The following SLC22A4 variants were observed in gnomAD, a reference collection of about 807,000 sequenced individuals.
SLC22A4 encodes ET transporter.
In SLC22A4, 39 loss-of-function variants were observed where a neutral mutation model predicts 56.6. The ratio of observed to expected loss-of-function variants is 0.69; its 90% CI spans 0.53 to 0.90. The LOEUF is 0.90. Ranked by LOEUF, SLC22A4 falls within the 40% of genes least tolerant of loss-of-function variation. The pLI is 0.00. For synonymous variants in SLC22A4, 241 were observed against 281.4 expected, an observed-to-expected ratio of 0.86 and a Z score of 1.44; for missense variants, 594 against 696.5, an observed-to-expected ratio of 0.85 and a Z score of 1.66.
chr5:132,312,247 C>T lies in SLC22A4; in HGVS notation c.480C>T (p.Ser160=), dbSNP rs113034123. 2.2e-5 allele frequency: 36 copies of T among 1,612,128 alleles called. 2 individuals are homozygous for T. Among genetic ancestry groups the T allele is most frequent in the South Asian group, 1.1e-4 (10 of 91,050 alleles). ...GCGTGCTCCTCGGCTCCTTCGTGTC[C>T]GGGCAGCTGTCAGACAGGTAAGCAC... The part of the protein sequence containing the change: ...FVGVLLGSFV[S]GQLSDRFGRK... The change falls in exon 2 of 10, where the codon TCC becomes TCT. Residue 160 remains serine (S), a synonymous_variant. Transcript: ENST00000200652.
Position 132,313,788 on chromosome 5 carries a change from C to T in SLC22A4, c.652+20C>T, listed in dbSNP as rs1302265100. On this transcript the variant is annotated intron_variant, in intron 3 of 9. Transcript: ENST00000200652. Reference sequence around the variant, plus strand: ...TACTAGGTAGGAATGGCTTCTGGGACATGGGGTGCTTCCCTCTAACCCTCT... The same window carrying T: ...TACTAGGTAGGAATGGCTTCTGGGATATGGGGTGCTTCCCTCTAACCCTCT... The T allele has an allele frequency of 1.9e-6, 3 of 1,612,830 alleles. No individual in the cohort carries two copies. Among genetic ancestry groups the T allele is most frequent in the Admixed American group, 1.7e-5 (1 of 60,016 alleles).
intron 4 of SLC22A4, chr5:132,324,676 G>C: frequency 4.5e-6 from 2 of 444,698 alleles, no homozygotes; most frequent in Non-Finnish European, 9.4e-6. Context: ...CATCAGTCTA[G>C]TGGTTGGGGT....
chr5:132,296,678 A>C (rs1031776322), intron 1 of SLC22A4, among the ~76,000 whole-genome samples: 2 of 152,190 alleles, frequency 1.3e-5, no homozygotes, highest in Non-Finnish European at 2.9e-5. Flanking sequence ...CTCCCTGCCC[A>C]CAGCATGGCC....
intron 4 of SLC22A4, among the ~76,000 whole-genome samples, chr5:132,323,710 T>A (rs1750605754): frequency 6.6e-6 from 1 of 152,208 alleles, no homozygotes; most frequent in African/African-American, 2.4e-5. Flanking sequence ...ATCATCATCA[T>A]CTGTCCTTCT....
intron 8 of SLC22A4, among the ~76,000 whole-genome samples, chr5:132,338,643 G>A (rs1313019466): frequency 1.3e-5 from 2 of 152,122 alleles, no homozygotes; most frequent in African/African-American, 4.8e-5. Flanking sequence ...CTTTCTCAGG[G>A]ATGTTCCTTG....
chr5:132,335,921 G>T lies in SLC22A4; in HGVS notation c.1365G>T (p.Leu455=), dbSNP rs776614713. ...TCACTGCTGAGCTCTACCCAACCCT[G>T]GTCAGGAACATGGCGGTGGGGGTCA... is the stretch of plus-strand genomic sequence containing the variant. The part of the protein sequence containing the change: ...YVFTAELYPT[L]VRNMAVGVTS... Residue 455 remains leucine, a synonymous_variant, in exon 8 of 10, where the codon CTG becomes CTT. Transcript: ENST00000200652. 9.9e-6 allele frequency: 16 copies of T among 1,614,114 alleles called. No individual in the cohort carries two copies. The South Asian group carries it at 1.8e-4, about 18-fold the overall frequency.
intron 5 of SLC22A4, among the ~76,000 whole-genome samples, chr5:132,327,823 G>A (rs1403415777): frequency 6.6e-6 from 1 of 152,172 alleles, no homozygotes; most frequent in African/African-American, 2.4e-5. Flanking sequence ...AGGAAGCTAT[G>A]CATGTCTTTA....
chr5:132,312,223 C>T lies in SLC22A4; in HGVS notation c.456C>T (p.Gly152=), dbSNP rs201822770. Residue 152 remains glycine, a synonymous_variant, in exon 2 of 10, where the codon GGC becomes GGT. Coordinates refer to ENST00000200652, the MANE Select transcript of SLC22A4 (RefSeq NM_003059.3). Reference sequence around the variant, plus strand: ...TCACCACCTCCCTGTTCTTCGTAGGCGTGCTCCTCGGCTCCTTCGTGTCCG... The same window carrying T: ...TCACCACCTCCCTGTTCTTCGTAGGTGTGCTCCTCGGCTCCTTCGTGTCCG... The part of the protein sequence containing the change: ...VPLTTSLFFV[G]VLLGSFVSGQ... The T allele has an allele frequency of 4.3e-5, 69 of 1,613,790 alleles. No individual in the cohort carries two copies. The highest frequency in any genetic ancestry group is 3.3e-4 in the Middle Eastern group (2 of 6,062).
intron 5 of SLC22A4, 93 bp downstream of exon 5, chr5:132,327,496 A>T (rs1355475012): frequency 2.8e-6 from 3 of 1,085,166 alleles, no homozygotes; most frequent in Middle Eastern, 4.3e-4. Flanking sequence ...AGTGCCCACT[A>T]TGTACCAGGC....
At chr5:132,322,018 C>T (rs941870368) in intron 3 of SLC22A4, among the ~76,000 whole-genome samples, 166 bp from the exon 4 acceptor site, 7 of 152,184 alleles carry the variant, frequency 4.6e-5, no homozygotes, top group Admixed American at 2.0e-4. Flanking sequence ...TCTTGGATCA[C>T]GTCCCACCTT....
At chr5:132,330,915 A>C (rs922451567) in intron 5 of SLC22A4, among the ~76,000 whole-genome samples, 3 of 152,204 alleles carry the variant, frequency 2.0e-5, no homozygotes, top group Admixed American at 2.0e-4. Context: ...TATATATATG[A>C]TCTCATTTAA....
chr5:132,343,798 CAG>C lies in SLC22A4; in HGVS notation c.1621_1622del (p.Glu541ArgfsTer21). 6.2e-7 allele frequency: 1 copy of C among 1,609,144 alleles called. No homozygotes were observed. The highest frequency in any genetic ancestry group is 8.5e-7 in the Non-Finnish European group (1 of 1,175,878). On this transcript the variant is annotated frameshift_variant, in exon 10 of 10. Transcript: ENST00000200652. LOFTEE classifies it high-confidence loss of function. ...AAAAAAACAAGAGACTCAATGGAGA[CAG>C]AAGAAAATCCCAAGGTTCTAATAAC...
At chr5:132,306,443 AGTTGTTGTT>A (rs1237376748) in intron 1 of SLC22A4, among the ~76,000 whole-genome samples, 1 of 58,200 alleles carries the variant, frequency 1.7e-5, no homozygotes, top group Non-Finnish European at 3.2e-5. Flanking sequence ...ATATATATAT[AGTTGTTGTT>A]GTTGTTGTTG....
chr5:132,324,364 T>A (rs1294998623), intron 4 of SLC22A4: 2 of 378,052 alleles, frequency 5.3e-6, no homozygotes, highest in African/African-American at 4.2e-5. Flanking sequence ...CCATTAGCCC[T>A]CCAGAGTCAG....
At chr5:132,296,102 A>T (rs973471149) in intron 1 of SLC22A4, among the ~76,000 whole-genome samples, 1 of 152,192 alleles carries the variant, frequency 6.6e-6, no homozygotes, top group Non-Finnish European at 1.5e-5. Context: ...CTTGCTTGCT[A>T]TGTGACCTGG....
chr5:132,340,063 GT>G (rs4646203), intron 8 of SLC22A4, among the ~76,000 whole-genome samples: 2,156 of 94,836 alleles, frequency 0.023, 48 homozygotes, highest in African/African-American at 0.065. Flanking sequence ...ATACTTAGTT[GT>G]TTTTTTTTTT....
intron 1 of SLC22A4, 83 bp downstream of exon 1, chr5:132,295,092 G>T: frequency 7.0e-7 from 1 of 1,424,040 alleles, no homozygotes; most frequent in African/African-American, 1.4e-5. Flanking sequence ...CCTGCGCAGT[G>T]CCCGGGTCAG....
intron 1 of SLC22A4, among the ~76,000 whole-genome samples, chr5:132,300,746 T>G (rs1314358213): frequency 2.6e-5 from 4 of 151,024 alleles, no homozygotes; most frequent in Non-Finnish European, 5.9e-5. Flanking sequence ...TAGAGGAGTC[T>G]GTGTTTACCC....
intron 8 of SLC22A4, among the ~76,000 whole-genome samples, chr5:132,337,269 C>CTAATTCTTTT: frequency 2.1e-5 from 1 of 48,244 alleles, no homozygotes; most frequent in Non-Finnish European, 4.0e-5. Flanking sequence ...TAAAGATTAC[C>CTAATTCTTTT]TTTTTTTTTT....
Sources: gnomAD v4.1 joint callset for allele counts (sites outside exome capture counted in the v4.1 genomes callset) on GRCh38, gnomAD v4.1.1 for gene constraint, MANE v1.5 for transcripts, NCBI Gene and HGNC (gene_info 2026-07-23, HGNC 2026-07-21) for gene names.